Variants in SATL1 observed in about 807,000 individuals in gnomAD.
The protein encoded by SATL1 is spermidine/spermine N1-acetyl transferase like 1.
SATL1 carries 47 observed loss-of-function variants against 51.8 expected under a neutral mutation model. The ratio of observed to expected loss-of-function variants is 0.91; its 90% CI spans 0.72 to 1.16. The LOEUF (loss-of-function observed/expected upper bound fraction) is 1.16, where lower values mean the gene tolerates loss of function less well. SATL1 is among the 50% of genes most tolerant of loss of function. The pLI is 0.00. For synonymous variants in SATL1, 176 were observed against 182.4 expected, an observed-to-expected ratio of 0.97 and a Z score of 0.28; for missense variants, 520 against 526.4, an observed-to-expected ratio of 0.99 and a Z score of 0.12.
At chrX:85,151,760 C>T (rs1423267551) in intron 2 of SATL1, among the ~76,000 whole-genome samples, 10 of 111,332 alleles carry the variant, frequency 9.0e-5, no homozygotes, top group South Asian at 3.8e-4. Flanking sequence ...AACTGGCTAG[C>T]CATATGTAGA....
chrX:85,234,811 A>G (rs1264272502), intron 1 of SATL1, among the ~76,000 whole-genome samples: 1 of 111,683 alleles, frequency 9.0e-6, no homozygotes, highest in East Asian at 2.8e-4. Context: ...AGAAGACCAC[A>G]AAACAACCAG....
chrX:85,100,757 A>G (rs953382114), intron 4 of SATL1, among the ~76,000 whole-genome samples: 1 of 111,900 alleles, frequency 8.9e-6, no homozygotes, highest in African/African-American at 3.2e-5. Flanking sequence ...AACAATCTTG[A>G]AAACAAAGAA....
chrX:85,146,523 T>C (rs1486905335), intron 2 of SATL1, among the ~76,000 whole-genome samples: 1 of 111,917 alleles, frequency 8.9e-6, no homozygotes, highest in Non-Finnish European at 1.9e-5. Flanking sequence ...TAGGTATGTA[T>C]GTATAGGAAA....
At chrX:85,141,693 A>G (rs1926110768) in intron 2 of SATL1, among the ~76,000 whole-genome samples, 1 of 111,088 alleles carries the variant, frequency 9.0e-6, no homozygotes, top group African/African-American at 3.3e-5. Context: ...TCAGTTTACA[A>G]TAACAACAAT....
At chrX:85,152,515 C>T (rs1926475707) in intron 2 of SATL1, among the ~76,000 whole-genome samples, 1 of 111,412 alleles carries the variant, frequency 9.0e-6, no homozygotes, top group East Asian at 2.8e-4. Flanking sequence ...GACACATGCA[C>T]ACGTATGTTT....
intron 2 of SATL1, among the ~76,000 whole-genome samples, chrX:85,139,914 A>G (rs1926067779): frequency 9.0e-6 from 1 of 111,655 alleles, no homozygotes; most frequent in Non-Finnish European, 1.9e-5. Flanking sequence ...ATCTTCACAC[A>G]GTGAGCAAGC....
intron 2 of SATL1, among the ~76,000 whole-genome samples, chrX:85,158,266 A>AGTT (rs2147726574): frequency 9.0e-6 from 1 of 111,730 alleles, no homozygotes; most frequent in African/African-American, 3.2e-5. Context: ...GATTTGAGTA[A>AGTT]GTTGACGTGA....
chrX:85,219,923 C>T (rs1409704230), intron 2 of SATL1, among the ~76,000 whole-genome samples: 1 of 109,159 alleles, frequency 9.2e-6, no homozygotes, highest in Non-Finnish European at 1.9e-5. Flanking sequence ...AAAAAAACAC[C>T]CATATAAGAA....
At chrX:85,142,944 A>T (rs1926145575) in intron 2 of SATL1, 1 of 109,215 alleles carries the variant, frequency 9.2e-6, no homozygotes, top group African/African-American at 3.3e-5. Flanking sequence ...TCTTTCTCTT[A>T]TCTTTTCTTC....
At chrX:85,114,236 T>A (rs940008092) in intron 2 of SATL1, among the ~76,000 whole-genome samples, 2 of 111,648 alleles carry the variant, frequency 1.8e-5, no homozygotes, top group Non-Finnish European at 3.8e-5. Flanking sequence ...TTTATAAGAG[T>A]ATACTGTACT....
intron 2 of SATL1, chrX:85,212,641 T>C (rs1026759718): frequency 7.2e-5 from 8 of 111,459 alleles, no homozygotes; most frequent in African/African-American, 2.6e-4. Context: ...GTTTTTAAAG[T>C]ATCCTATAAT....
At chrX:85,110,032 A>C (rs909183324) in intron 2 of SATL1, among the ~76,000 whole-genome samples, 15 of 111,744 alleles carry the variant, frequency 1.3e-4, no homozygotes, top group Non-Finnish European at 2.4e-4. Flanking sequence ...TAATTATAAT[A>C]GCTACAGCCA....
At chrX:85,200,190 T>A (rs1313791768) in intron 2 of SATL1, among the ~76,000 whole-genome samples, 1 of 111,695 alleles carries the variant, frequency 9.0e-6, no homozygotes, top group Non-Finnish European at 1.9e-5. Context: ...ATGTGTCCTC[T>A]CACTTGTTCC....
At chrX:85,178,619 AAAAAAC>A (rs1927132513) in intron 2 of SATL1, among the ~76,000 whole-genome samples, 1 of 107,268 alleles carries the variant, frequency 9.3e-6, no homozygotes, top group Non-Finnish European at 1.9e-5. Context: ...CTCAAAAAAA[AAAAAAC>A]AAAAACAAAC....
chrX:85,196,954 C>A (rs1252933036), intron 2 of SATL1, among the ~76,000 whole-genome samples: 2 of 111,522 alleles, frequency 1.8e-5, no homozygotes. Context: ...TTAGATATGA[C>A]ACAAAAGGCA....
chrX:85,222,177 C>T (rs1215178668), intron 2 of SATL1, among the ~76,000 whole-genome samples: 1 of 111,861 alleles, frequency 8.9e-6, no homozygotes, highest in Non-Finnish European at 1.9e-5. Context: ...TTCCACACTT[C>T]CTAGCTGTGG....
chrX:85,134,899 G>A (rs1925911150), intron 2 of SATL1, among the ~76,000 whole-genome samples: 1 of 111,621 alleles, frequency 9.0e-6, no homozygotes, highest in South Asian at 3.8e-4. Flanking sequence ...GATTTATCCT[G>A]AAGGCAACTG....
chrX:85,124,867 T>A (rs778330565), intron 2 of SATL1, among the ~76,000 whole-genome samples: 47 of 109,945 alleles, frequency 4.3e-4, no homozygotes, highest in African/African-American at 1.6e-3. Flanking sequence ...GTGGATGGAG[T>A]CTTGACTGCA....
At chrX:85,199,335 C>T (rs986970355) in intron 2 of SATL1, among the ~76,000 whole-genome samples, 7 of 111,102 alleles carry the variant, frequency 6.3e-5, no homozygotes, top group Non-Finnish European at 1.3e-4. Flanking sequence ...TTGGTGGGAA[C>T]GTAAATTAGT....
Sources: allele counts gnomAD v4.1 joint callset (sites outside exome capture counted in the v4.1 genomes callset), GRCh38; gene constraint gnomAD v4.1.1; transcripts MANE v1.5; gene names NCBI Gene and HGNC (gene_info 2026-07-23, HGNC 2026-07-21).